Variants in MANEA observed in about 807,000 individuals in gnomAD.
The protein encoded by MANEA is glycoprotein endo-alpha-1,2-mannosidase.
MANEA carries 25 observed loss-of-function variants against 36.8 expected under a neutral mutation model. The ratio of observed to expected loss-of-function variants is 0.68; its 90% CI spans 0.50 to 0.95. The LOEUF (loss-of-function observed/expected upper bound fraction) is 0.95. Ranked by LOEUF, MANEA falls within the 40% of genes least tolerant of loss-of-function variation. The pLI is 0.00. For synonymous variants in MANEA, 198 were observed against 188.5 expected (o/e 1.05, Z -0.41); for missense variants, 565 against 558.8 (o/e 1.01, Z -0.11).
Position 95,605,799 on chromosome 6 carries a change from T to G in MANEA, c.783T>G (p.Ala261=), listed in dbSNP as rs144458114. The change falls in exon 5 of 5, where the codon GCT becomes GCG. Residue 261 remains alanine, a synonymous_variant. Coordinates refer to ENST00000358812, the MANE Select transcript of MANEA (RefSeq NM_024641.4). ...FYRYKTKTGN[A]LPMFYVYDSY... ...GGTACAAGACGAAGACTGGCAATGC[T>G]CTTCCTATGTTTTATGTCTATGATT... The G allele has an allele frequency of 6.2e-7, 1 of 1,613,638 alleles. No homozygotes were observed. Among genetic ancestry groups the G allele is most frequent in the South Asian group, 1.1e-5 (1 of 91,048 alleles).
In MANEA at chr6:95,607,001, T is replaced by C. The variant is rs966654755; in HGVS notation, c.*596T>C. 3 of 152,112 alleles carry C rather than the reference T, an allele frequency of 2.0e-5. No homozygotes were observed. Among genetic ancestry groups the C allele is most frequent in the African/African-American group, 7.2e-5 (3 of 41,434 alleles). 9.4% of individuals were successfully genotyped at this position (152,112 alleles called of 1,614,324 possible). A position where few individuals can be genotyped will look rare whatever the true frequency, so the allele number is the denominator to read the frequency against. ...AAATGGCTTTAAATTAATACTCTTA[T>C]TTTTTATTTAATTTAATTACATAAA... On this transcript the variant is annotated 3_prime_UTR_variant, in exon 5 of 5. Coordinates refer to ENST00000358812, the MANE Select transcript of MANEA (RefSeq NM_024641.4).
At chr6:95,578,883 C>A (rs1769125953) in intron 1 of MANEA, among the ~76,000 whole-genome samples, 1 of 152,136 alleles carries the variant, frequency 6.6e-6, no homozygotes, top group Admixed American at 6.5e-5. Flanking sequence ...CTGGTGTATC[C>A]TCTAAATTTG....
chr6:95,605,953 C>T lies in MANEA; in HGVS notation c.937C>T (p.Leu313Phe). The T allele has an allele frequency of 6.2e-7, 1 of 1,613,652 alleles. No individual in the cohort carries two copies. Among genetic ancestry groups the T allele is most frequent in the Non-Finnish European group, 8.5e-7 (1 of 1,179,852 alleles). The change falls in exon 5 of 5, where the codon CTT becomes TTT. Residue 313 changes from leucine to phenylalanine, a missense_variant. Transcript: ENST00000358812. ...AGAAGAAAAACATAAGTATGATATT[C>T]TTCAAAGTGGTTTTGATGGAATTTA... is the stretch of plus-strand genomic sequence containing the variant. ...LVEEKHKYDI[L>F]QSGFDGIYTY...
intron 3 of MANEA, among the ~76,000 whole-genome samples, chr6:95,602,297 T>G (rs1189921663): frequency 6.6e-6 from 1 of 152,144 alleles, no homozygotes; most frequent in Non-Finnish European, 1.5e-5. Context: ...TGCCTTGTAA[T>G]CTACTGGAGG....
chr6:95,592,103 G>GT (rs1769395949), intron 2 of MANEA, among the ~76,000 whole-genome samples: 1 of 152,096 alleles, frequency 6.6e-6, no homozygotes, highest in Non-Finnish European at 1.5e-5. Flanking sequence ...TTGTTCTATT[G>GT]TTTTCCCCAG....
intron 3 of MANEA, among the ~76,000 whole-genome samples, chr6:95,601,716 A>ATTTTTTTTTTTTTTTTTTTCTTTTTT (rs1769595553): frequency 1.5e-5 from 1 of 64,968 alleles, no homozygotes; most frequent in Non-Finnish European, 2.7e-5. Flanking sequence ...AGATTCAGTG[A>ATTTTTTTTTTTTTTTTTTTCTTTTTT]TTTTTTTTTT....
chr6:95,579,142 G>C (rs973921644), intron 1 of MANEA, among the ~76,000 whole-genome samples: 2 of 152,172 alleles, frequency 1.3e-5, no homozygotes, highest in African/African-American at 2.4e-5. Flanking sequence ...AGGCCGAAGT[G>C]GGTGGATCAT....
intron 2 of MANEA, chr6:95,590,092 G>T (rs533793708): frequency 6.6e-6 from 1 of 152,232 alleles, no homozygotes; most frequent in Non-Finnish European, 1.5e-5. Flanking sequence ...CTCCAGAAAG[G>T]AATGTCATCC....
chr6:95,578,286 A>G (rs1769110090), intron 1 of MANEA, among the ~76,000 whole-genome samples: 1 of 152,190 alleles, frequency 6.6e-6, no homozygotes, highest in African/African-American at 2.4e-5. Flanking sequence ...TCCTTTTTCC[A>G]AAGAAGCAAC....
intron 3 of MANEA, among the ~76,000 whole-genome samples, chr6:95,604,032 G>A (rs904772771): frequency 7.2e-6 from 1 of 138,558 alleles, no homozygotes; most frequent in South Asian, 2.4e-4. Flanking sequence ...TATATATAAT[G>A]TATGTATGTG....
intron 2 of MANEA, among the ~76,000 whole-genome samples, chr6:95,593,952 ATCG>A (rs1333256294): frequency 6.6e-6 from 1 of 151,964 alleles, no homozygotes; most frequent in Non-Finnish European, 1.5e-5. Context: ...TCTATCTGTA[ATCG>A]ATAGAATGAG....
In MANEA at chr6:95,596,752, C is replaced by T; in HGVS notation, c.560C>T (p.Ser187Phe). Residue 187 changes from serine to phenylalanine, a missense_variant, in exon 3 of 5, where the codon TCT becomes TTT. Transcript: ENST00000358812. The stretch of plus-strand genomic sequence containing the variant: ...TTTCTATTAGGTGTACTAGCCCTCT[C>T]TTGGTACCCACCTGATGTAAATGAT... ...RSASIGVLAL[S>F]WYPPDVNDEN... 3 of 1,597,910 alleles carry T rather than the reference C, an allele frequency of 1.9e-6. No homozygotes were observed. Among genetic ancestry groups the T allele is most frequent in the East Asian group, 2.2e-5 (1 of 44,656 alleles).
chr6:95,597,502 A>G (rs1245857039), intron 3 of MANEA, among the ~76,000 whole-genome samples: 1 of 152,058 alleles, frequency 6.6e-6, no homozygotes, highest in Non-Finnish European at 1.5e-5. Context: ...TTTAATATCC[A>G]AAGATACATT....
intron 2 of MANEA, among the ~76,000 whole-genome samples, chr6:95,593,179 A>G (rs1254047441): frequency 6.6e-6 from 1 of 152,188 alleles, no homozygotes; most frequent in Non-Finnish European, 1.5e-5. Context: ...ATTCACTGCC[A>G]TTGTAAATTC....
Position 95,579,369 on chromosome 6 carries a change from C to G in MANEA, c.-39+1731C>G, listed in dbSNP as rs140718265. Among the ~76,000 whole-genome samples the G allele has an allele frequency of 5.3e-3, 803 of 152,238 alleles. 5 individuals are homozygous for G. Among genetic ancestry groups the G allele is most frequent in the African/African-American group, 0.019 (776 of 41,528 alleles). On this transcript the variant is annotated intron_variant, in intron 1 of 4. Transcript: ENST00000358812. Reference sequence around the variant, plus strand: ...GCATGGCAACAGAGTGAGACTCCATCTCAAAAACAAAACAAAACAAAACAA... The same window carrying G: ...GCATGGCAACAGAGTGAGACTCCATGTCAAAAACAAAACAAAACAAAACAA...
At chr6:95,586,001 A>G (rs558826896) in intron 1 of MANEA, among the ~76,000 whole-genome samples, 9 of 152,312 alleles carry the variant, frequency 5.9e-5, no homozygotes, top group South Asian at 2.1e-4. Flanking sequence ...TGTCTCTACA[A>G]TAAATAAATA....
Position 95,588,647 on chromosome 6 carries a change from T to C in MANEA, c.544+1664T>C, listed in dbSNP as rs575438426. Among the ~76,000 whole-genome samples the C allele has an allele frequency of 2.0e-5, 3 of 152,076 alleles. No homozygotes were observed. In the South Asian group the frequency reaches 6.2e-4, roughly 32 times the overall value. On this transcript the variant is annotated intron_variant, in intron 2 of 4. Coordinates refer to ENST00000358812, the MANE Select transcript of MANEA (RefSeq NM_024641.4). Reference sequence around the variant, plus strand: ...GTCTTTATTCAAGACTGTCTTGATATGGCTAAAAAAACTATGCTAGATTGA... The same window carrying C: ...GTCTTTATTCAAGACTGTCTTGATACGGCTAAAAAAACTATGCTAGATTGA...
intron 2 of MANEA, among the ~76,000 whole-genome samples, chr6:95,593,726 ATGG>A (rs1443483839): frequency 1.3e-5 from 2 of 152,086 alleles, no homozygotes; most frequent in African/African-American, 2.4e-5. Context: ...GAGTAAAGAA[ATGG>A]TGGAATGGAG....
chr6:95,579,523 A>C (rs1769141838), intron 1 of MANEA, among the ~76,000 whole-genome samples: 2 of 152,184 alleles, frequency 1.3e-5, no homozygotes, highest in Non-Finnish European at 2.9e-5. Flanking sequence ...TCTAGTATTG[A>C]GTTATATTTA....
Sources: allele counts gnomAD v4.1 joint callset (sites outside exome capture counted in the v4.1 genomes callset), GRCh38; gene constraint gnomAD v4.1.1; transcripts MANE v1.5; gene names NCBI Gene and HGNC (gene_info 2026-07-23, HGNC 2026-07-21).